IQCH: variants seen among roughly 807,000 people sequenced by gnomAD.
IQCH encodes the protein IQ domain-containing protein H.
IQCH carries 98 observed loss-of-function variants against 117.0 expected under a neutral mutation model. That is an observed-to-expected ratio of 0.84 (90% CI 0.71 to 0.99). The LOEUF is 0.99. Ranked by LOEUF, IQCH falls within the 50% of genes least tolerant of loss-of-function variation. IQCH has a pLI of 0.00. For synonymous variants in IQCH, 412 were observed against 448.2 expected (o/e 0.92, Z 1.02); for missense variants, 1,102 against 1,243.8 (o/e 0.89, Z 1.72).
chr15:67,377,552 T>C (rs1970781010), intron 10 of IQCH, among the ~76,000 whole-genome samples: 1 of 152,214 alleles, frequency 6.6e-6, no homozygotes, highest in African/African-American at 2.4e-5. Flanking sequence ...GGCCAAGTAT[T>C]TCCTCCACTT....
intron 10 of IQCH, among the ~76,000 whole-genome samples, chr15:67,380,971 T>C (rs1344403971): frequency 1.3e-5 from 2 of 152,096 alleles, no homozygotes; most frequent in African/African-American, 4.8e-5. Context: ...TTATAAGAAA[T>C]AGGACTTGGG....
At chr15:67,347,147 C>G (rs901417706) in intron 6 of IQCH, among the ~76,000 whole-genome samples, 2 of 147,734 alleles carry the variant, frequency 1.4e-5, no homozygotes, top group African/African-American at 2.5e-5. Flanking sequence ...TATACCCAAG[C>G]AAGCAGCAGA....
In IQCH at chr15:67,280,011, G is replaced by A. The variant is rs938217830; in HGVS notation, c.387+499G>A. On this transcript the variant is annotated intron_variant, in intron 4 of 20. Transcript: ENST00000335894. ...AGCCAGGGCGACAGAGCGAGACTCCGTCTAAAAAAAAAAAATGTGAATTTT... is the reference window on the plus strand; with the variant it reads ...AGCCAGGGCGACAGAGCGAGACTCCATCTAAAAAAAAAAAATGTGAATTTT... Among the ~76,000 whole-genome samples the A allele has an allele frequency of 1.0e-3, 156 of 150,654 alleles. 1 individual carries two copies. The highest frequency in any genetic ancestry group is 3.6e-3 in the African/African-American group (149 of 41,020).
rs370763706 is a variant in IQCH, at chr15:67,421,878, G to C, written c.2505+301G>C. Reference sequence around the variant, plus strand: ...CTTTGGGAGGCCGAGGTGGGCAGATGCCTTGAGCTCAGAAGTTCAAGAGCA... The same window carrying C: ...CTTTGGGAGGCCGAGGTGGGCAGATCCCTTGAGCTCAGAAGTTCAAGAGCA... On this transcript the variant is annotated intron_variant, in intron 16 of 20. Transcript: ENST00000335894. Among the ~76,000 whole-genome samples, 179 of 152,264 alleles carry C rather than the reference G, an allele frequency of 1.2e-3. 3 individuals are homozygous for C. The South Asian group carries it at 0.033, about 28-fold the overall frequency.
At chr15:67,295,286 C>T (rs1010732854) in intron 4 of IQCH, among the ~76,000 whole-genome samples, 1 of 152,170 alleles carries the variant, frequency 6.6e-6, no homozygotes, top group Admixed American at 6.6e-5. Flanking sequence ...ATCTTTTTAG[C>T]TAGAAATATG....
At chr15:67,258,574 G>C (rs1965331104) in intron 1 of IQCH, among the ~76,000 whole-genome samples, 1 of 151,602 alleles carries the variant, frequency 6.6e-6, no homozygotes, top group South Asian at 2.1e-4. Context: ...TTGAGGTGAT[G>C]AGAATGACTC....
At chr15:67,326,162 T>G (rs188390986) in intron 4 of IQCH, among the ~76,000 whole-genome samples, 76 of 152,194 alleles carry the variant, frequency 5.0e-4, no homozygotes, top group Admixed American at 4.2e-3. Flanking sequence ...TTCCCCTTCC[T>G]GTGTCCAAGT....
At chr15:67,400,361 A>G in intron 14 of IQCH, 56 bp downstream of exon 14, 2 of 1,330,006 alleles carry the variant, frequency 1.5e-6, no homozygotes, top group Non-Finnish European at 2.1e-6. Flanking sequence ...TAGGGGACGA[A>G]GCAAAAAGTT....
intron 4 of IQCH, among the ~76,000 whole-genome samples, chr15:67,318,575 T>C (rs547442646): frequency 6.6e-5 from 10 of 152,324 alleles, no homozygotes; most frequent in African/African-American, 2.4e-4. Flanking sequence ...TCTTGAAGAA[T>C]AGGCAAAAGG....
At position 67,422,279 on chromosome 15, in the gene IQCH, T is replaced by A. The variant is rs572941497; in HGVS notation, c.2505+702T>A. 6.6e-6 allele frequency among the ~76,000 whole-genome samples: 1 copy of A among 152,276 alleles called. No homozygotes were observed. Among genetic ancestry groups the A allele is most frequent in the African/African-American group, 2.4e-5 (1 of 41,552 alleles). Reference sequence around the variant, plus strand: ...AGAAAATCAATCACTAGAAAGGAGTTAAGAGTTCACATTTCTGTTCCTTTT... The same window carrying A: ...AGAAAATCAATCACTAGAAAGGAGTAAAGAGTTCACATTTCTGTTCCTTTT... On this transcript the variant is annotated intron_variant, in intron 16 of 20. Transcript: ENST00000335894. The surrounding 1 kb of genome is among the most constrained non-coding windows in gnomAD (Gnocchi z 4.7).
rs1240383929 is a variant in IQCH, at chr15:67,422,277, G to A, written c.2505+700G>A. On this transcript the variant is annotated intron_variant, in intron 16 of 20. Coordinates refer to ENST00000335894, the MANE Select transcript of IQCH (RefSeq NM_001031715.3). The surrounding 1 kb of genome is among the most constrained non-coding windows in gnomAD (Gnocchi z 4.7). ...ATAGAAAATCAATCACTAGAAAGGA[G>A]TTAAGAGTTCACATTTCTGTTCCTT... 1.3e-5 allele frequency among the ~76,000 whole-genome samples: 2 copies of A among 152,136 alleles called. No homozygotes were observed. Among genetic ancestry groups the A allele is most frequent in the African/African-American group, 4.8e-5 (2 of 41,420 alleles).
At chr15:67,468,070 G>T (rs1049095788) in intron 17 of IQCH, among the ~76,000 whole-genome samples, 1 of 152,098 alleles carries the variant, frequency 6.6e-6, no homozygotes, top group African/African-American at 2.4e-5. Context: ...AATCCCAGAC[G>T]TGCGTGTTTT....
rs927598745 is a variant in IQCH, at chr15:67,432,684, TATC to T, written c.2505+11114_2505+11116del. 1.1e-4 allele frequency among the ~76,000 whole-genome samples: 16 copies of T among 152,212 alleles called. No individual in the cohort carries two copies. Among genetic ancestry groups the T allele is most frequent in the Non-Finnish European group, 1.5e-4 (10 of 68,044 alleles). On this transcript the variant is annotated intron_variant, in intron 16 of 20. Coordinates refer to ENST00000335894, the MANE Select transcript of IQCH (RefSeq NM_001031715.3). This position sits in a 1 kb window ranked among gnomAD's most constrained non-coding sequence, Gnocchi z 5.0. ...ATTATTTTTAAAAGTCACTGAGCATTATCATCATCTCAAAGTGATATATAAGCA... is the reference window on the plus strand; with the variant it reads ...ATTATTTTTAAAAGTCACTGAGCATTATCATCTCAAAGTGATATATAAGCA...
chr15:67,356,340 G>T lies in IQCH; in HGVS notation c.638-1005G>T, dbSNP rs1969889748. On this transcript the variant is annotated intron_variant, in intron 6 of 20. Transcript: ENST00000335894. This position sits in a 1 kb window ranked among gnomAD's most constrained non-coding sequence, Gnocchi z 5.3. ...GGTTGTAAAAATGGGTTGATCAAAT[G>T]CAACAAAGAAATCCCTTTTGTGAAG... 6.6e-6 allele frequency among the ~76,000 whole-genome samples: 1 copy of T among 152,124 alleles called. No individual in the cohort carries two copies. Among genetic ancestry groups the T allele is most frequent in the Non-Finnish European group, 1.5e-5 (1 of 68,008 alleles).
At chr15:67,263,030 T>C in intron 2 of IQCH, 92 bp from the exon 3 acceptor site, 1 of 745,944 alleles carries the variant, frequency 1.3e-6, no homozygotes, top group South Asian at 1.5e-5. Flanking sequence ...TTTGGCTTAA[T>C]TACAGGATTC....
chr15:67,379,997 C>T (rs1970870718), intron 10 of IQCH, among the ~76,000 whole-genome samples: 1 of 152,124 alleles, frequency 6.6e-6, no homozygotes. Context: ...AAATTACAGG[C>T]ATGTGCCACC....
intron 4 of IQCH, chr15:67,281,919 G>A: frequency 2.7e-6 from 1 of 373,610 alleles, no homozygotes; most frequent in Non-Finnish European, 5.3e-6. Context: ...AACTCCCAAA[G>A]CAGCCCTCTC....
chr15:67,375,372 G>T (rs1012946712), intron 10 of IQCH, among the ~76,000 whole-genome samples: 1 of 152,104 alleles, frequency 6.6e-6, no homozygotes, highest in South Asian at 2.1e-4. Context: ...ATTACAGTGA[G>T]CTATGATCAT....
intron 4 of IQCH, among the ~76,000 whole-genome samples, chr15:67,309,266 C>T (rs1967465572): frequency 1.3e-5 from 2 of 152,176 alleles, no homozygotes; most frequent in Admixed American, 1.3e-4. Flanking sequence ...TTGTTTTATA[C>T]TGTCATTTAA....
Sources: allele counts gnomAD v4.1 joint callset (sites outside exome capture counted in the v4.1 genomes callset), GRCh38; gene constraint gnomAD v4.1.1; non-coding constraint Gnocchi (gnomAD v3.1); transcripts MANE v1.5; gene names NCBI Gene and HGNC (gene_info 2026-07-23, HGNC 2026-07-21).